The following SYN3 variants were observed in gnomAD, a reference collection of about 807,000 sequenced individuals.
SYN3 encodes synapsin III.
In SYN3, 35 loss-of-function variants were observed where a neutral mutation model predicts 65.8. That is an observed-to-expected ratio of 0.53 (90% CI 0.41 to 0.70). The LOEUF is 0.70. Among genes scored for constraint, SYN3 ranks in the 30% least tolerant of loss-of-function variants. SYN3 has a pLI of 0.00. For missense variants in SYN3, 680 were observed against 749.0 expected, an observed-to-expected ratio of 0.91 and a Z score of 1.08; for synonymous variants, 270 against 292.9, an observed-to-expected ratio of 0.92 and a Z score of 0.80.
chr22:32,857,912 C>T (rs2048417266), intron 6 of SYN3: 8 of 1,557,402 alleles, frequency 5.1e-6, no homozygotes, highest in East Asian at 2.3e-5. Flanking sequence ...GAAAAGTACC[C>T]AGCCACAGTG....
intron 3 of SYN3, among the ~76,000 whole-genome samples, chr22:32,940,159 G>C (rs892749820): frequency 1.3e-5 from 2 of 152,042 alleles, no homozygotes; most frequent in African/African-American, 4.8e-5. Context: ...AATTTCATTT[G>C]GTGAAGTGCC....
intron 6 of SYN3, among the ~76,000 whole-genome samples, chr22:32,791,879 T>C (rs1054394654): frequency 6.6e-6 from 1 of 152,124 alleles, no homozygotes; most frequent in African/African-American, 2.4e-5. Flanking sequence ...CTATCAAATT[T>C]TTTTATTCTC....
At chr22:32,986,088 C>T (rs1481944546) in intron 2 of SYN3, among the ~76,000 whole-genome samples, 4 of 152,120 alleles carry the variant, frequency 2.6e-5, no homozygotes, top group Non-Finnish European at 1.5e-5. Flanking sequence ...TCCATGCTCA[C>T]TGTGTCTCCA....
At chr22:32,694,000 T>C (rs2060702555) in intron 6 of SYN3, among the ~76,000 whole-genome samples, 1 of 152,204 alleles carries the variant, frequency 6.6e-6, no homozygotes, top group Non-Finnish European at 1.5e-5. Flanking sequence ...TTCTCTTTTT[T>C]AAAATGAAAT....
At chr22:33,021,784 A>C (rs1034694483) in intron 1 of SYN3, among the ~76,000 whole-genome samples, 1 of 141,676 alleles carries the variant, frequency 7.1e-6, no homozygotes, top group Non-Finnish European at 1.5e-5. Context: ...ACTGTAACTT[A>C]TTTTTTTTTT....
At position 32,702,715 on chromosome 22, in the gene SYN3, A is replaced by G. The variant is rs142943822; in HGVS notation, c.712-105979T>C. Among the ~76,000 whole-genome samples the G allele has an allele frequency of 7.5e-3, 1,118 of 149,590 alleles. 16 individuals are homozygous for G. Among genetic ancestry groups the G allele is most frequent in the African/African-American group, 0.026 (1,072 of 40,964 alleles). On this transcript the variant is annotated intron_variant, in intron 6 of 13. Transcript: ENST00000358763. ...CCATTGTCTTTAGCAATCCTGAAAG[A>G]ACTGGGTATGAATTAAAATTAGAAA...
intron 6 of SYN3, among the ~76,000 whole-genome samples, chr22:32,701,492 T>C (rs2060809987): frequency 6.6e-6 from 1 of 152,132 alleles, no homozygotes; most frequent in South Asian, 2.1e-4. Context: ...GTTGAATTTG[T>C]AGACAAGGAC....
chr22:33,056,618 GC>G (rs1355912202), intron 1 of SYN3, among the ~76,000 whole-genome samples: 1 of 152,180 alleles, frequency 6.6e-6, no homozygotes, highest in Admixed American at 6.5e-5. Context: ...ATCTCCCTCT[GC>G]CCAGTTCTGC....
chr22:33,049,287 G>T (rs912613521), intron 1 of SYN3, among the ~76,000 whole-genome samples: 1 of 152,158 alleles, frequency 6.6e-6, no homozygotes, highest in African/African-American at 2.4e-5. Flanking sequence ...GGGCTTCAAT[G>T]ATGACAGGGC....
chr22:32,848,864 T>TA (rs1163951648), intron 6 of SYN3, among the ~76,000 whole-genome samples: 1 of 150,714 alleles, frequency 6.6e-6, no homozygotes, highest in Non-Finnish European at 1.5e-5. Context: ...CACATCCCCA[T>TA]AGAGCTCAGA....
intron 7 of SYN3, among the ~76,000 whole-genome samples, chr22:32,557,931 C>A (rs920986764): frequency 2.0e-5 from 3 of 152,192 alleles, no homozygotes; most frequent in Admixed American, 2.0e-4. Context: ...GTCACCAGGT[C>A]AGAAGTTTTT....
intron 4 of SYN3, among the ~76,000 whole-genome samples, chr22:32,905,740 T>C (rs2146548753): frequency 6.6e-6 from 1 of 152,238 alleles, no homozygotes; most frequent in East Asian, 1.9e-4. Flanking sequence ...CTGTATTCCC[T>C]GCACTCTGCC....
At chr22:32,724,011 C>G (rs766970100) in intron 6 of SYN3, among the ~76,000 whole-genome samples, 13 of 152,236 alleles carry the variant, frequency 8.5e-5, no homozygotes, top group Non-Finnish European at 1.9e-4. Flanking sequence ...ATTAGACACA[C>G]AGAAAGCTAG....
intron 6 of SYN3, among the ~76,000 whole-genome samples, chr22:32,768,253 C>T (rs2045678085): frequency 6.6e-6 from 1 of 152,112 alleles, no homozygotes; most frequent in Non-Finnish European, 1.5e-5. Flanking sequence ...CCTTGGTCTC[C>T]CTGAATAACT....
chr22:32,626,261 C>T (rs1230984958), intron 6 of SYN3, among the ~76,000 whole-genome samples: 1 of 152,154 alleles, frequency 6.6e-6, no homozygotes, highest in East Asian at 1.9e-4. Context: ...CCTCTGCACC[C>T]AGGGACACAC....
chr22:32,740,991 G>A (rs941207976), intron 6 of SYN3, among the ~76,000 whole-genome samples: 17 of 152,276 alleles, frequency 1.1e-4, no homozygotes, highest in Admixed American at 9.8e-4. Context: ...AAGGTTTGAG[G>A]CACAGTAGGG....
At chr22:32,851,478 A>ACACT (rs1294271189) in intron 6 of SYN3, among the ~76,000 whole-genome samples, 1 of 152,066 alleles carries the variant, frequency 6.6e-6, no homozygotes, top group Non-Finnish European at 1.5e-5. Context: ...TCAGCATCAG[A>ACACT]CACTCCCACT....
At chr22:32,842,119 G>C (rs966519704) in intron 6 of SYN3, among the ~76,000 whole-genome samples, 3 of 152,184 alleles carry the variant, frequency 2.0e-5, no homozygotes, top group African/African-American at 7.2e-5. Flanking sequence ...TTATCTGCTG[G>C]GATGGGAAGT....
intron 6 of SYN3, among the ~76,000 whole-genome samples, chr22:32,736,778 G>A (rs2147367542): frequency 6.6e-6 from 1 of 152,266 alleles, no homozygotes; most frequent in South Asian, 2.1e-4. Flanking sequence ...TTGTATTGCA[G>A]CAGAATATTT....
Sources: allele counts gnomAD v4.1 joint callset (sites outside exome capture counted in the v4.1 genomes callset), GRCh38; gene constraint gnomAD v4.1.1; transcripts MANE v1.5; gene names NCBI Gene and HGNC (gene_info 2026-07-23, HGNC 2026-07-21).